The following SLC4A4 variants were observed in gnomAD, a reference collection of about 807,000 sequenced individuals.
SLC4A4 encodes the protein solute carrier family 4 member 4, also known as electrogenic sodium bicarbonate cotransporter 1.
In SLC4A4, 27 loss-of-function variants were observed where a neutral mutation model predicts 111.5. The ratio of observed to expected loss-of-function variants is 0.24; its 90% CI spans 0.18 to 0.33. SLC4A4 has a LOEUF of 0.33. SLC4A4 is among the 10% of genes least tolerant of loss of function. The probability of loss-of-function intolerance (pLI) is 1.00; values close to 1 mark genes in which losing one functional copy is unlikely to be tolerated. For missense variants in SLC4A4, 909 were observed against 1,315.5 expected (o/e 0.69, Z 4.78); for synonymous variants, 443 against 463.4 (o/e 0.96, Z 0.57).
intron 8 of SLC4A4, among the ~76,000 whole-genome samples, chr4:71,446,500 GA>G (rs1282531498): frequency 6.6e-6 from 1 of 152,134 alleles, no homozygotes; most frequent in Non-Finnish European, 1.5e-5. Flanking sequence ...AATATGTGGT[GA>G]AAAGAACAGG....
chr4:71,074,259 G>A (rs1741750039), intron 1 of SLC4A4, among the ~76,000 whole-genome samples: 1 of 152,166 alleles, frequency 6.6e-6, no homozygotes, highest in South Asian at 2.1e-4. Context: ...TCCAGGTGTT[G>A]AGAGCTGTAA....
intron 15 of SLC4A4, among the ~76,000 whole-genome samples, chr4:71,487,968 G>A (rs1729573441): frequency 6.6e-6 from 1 of 151,448 alleles, no homozygotes; most frequent in Non-Finnish European, 1.5e-5. Context: ...GAAAAAGTAT[G>A]TGTATATGTT....
intron 6 of SLC4A4, among the ~76,000 whole-genome samples, chr4:71,388,029 G>A (rs1157420744): frequency 6.6e-6 from 1 of 152,138 alleles, no homozygotes; most frequent in Non-Finnish European, 1.5e-5. Flanking sequence ...CTGGGTCAGT[G>A]CCTGTTTGGA....
chr4:71,303,121 G>A (rs923929153), intron 3 of SLC4A4, among the ~76,000 whole-genome samples: 2 of 152,122 alleles, frequency 1.3e-5, no homozygotes, highest in Non-Finnish European at 2.9e-5. Context: ...TCTCTTCTGC[G>A]AATGTGGTAG....
intron 17 of SLC4A4, among the ~76,000 whole-genome samples, chr4:71,532,769 G>T (rs569689541): frequency 2.0e-4 from 30 of 152,236 alleles, no homozygotes; most frequent in African/African-American, 7.0e-4. Flanking sequence ...AAAGAATTAA[G>T]TAAAATGCCT....
Position 71,472,690 on chromosome 4 carries a change from T to G in SLC4A4, c.1632-9T>G. 1 of 1,612,450 alleles carries G rather than the reference T, an allele frequency of 6.2e-7. No individual in the cohort carries two copies. Among genetic ancestry groups the G allele is most frequent in the Non-Finnish European group, 8.5e-7 (1 of 1,178,952 alleles). On this transcript the variant is annotated splice_polypyrimidine_tract_variant and intron_variant, in intron 13 of 25. Transcript: ENST00000264485. ...GAGGAATCTAAACATTTTTCTTTCT[T>G]TTTTCCAGGGACAATAATTTTGACT...
chr4:71,566,012 CAG>C (rs1462823363), intron 24 of SLC4A4, among the ~76,000 whole-genome samples: 9 of 151,818 alleles, frequency 5.9e-5, no homozygotes, highest in Admixed American at 3.9e-4. Context: ...GGTGGTTATG[CAG>C]CCCCACACTG....
chr4:71,475,672 G>C (rs940775509), intron 14 of SLC4A4, among the ~76,000 whole-genome samples: 3 of 151,914 alleles, frequency 2.0e-5, no homozygotes, highest in Non-Finnish European at 4.4e-5. Flanking sequence ...GGCCAAATGT[G>C]TGACTTTCAG....
chr4:71,431,517 GC>G (rs1408055199), intron 7 of SLC4A4, among the ~76,000 whole-genome samples: 1 of 152,096 alleles, frequency 6.6e-6, no homozygotes, highest in African/African-American at 2.4e-5. Context: ...TAGAGTGTGG[GC>G]AGTAGGTTCC....
At chr4:71,161,800 G>A (rs1044632105) in intron 2 of SLC4A4, among the ~76,000 whole-genome samples, 2 of 152,140 alleles carry the variant, frequency 1.3e-5, no homozygotes, top group Non-Finnish European at 1.5e-5. Context: ...GACCTTTTAA[G>A]AGATGAAAGA....
intron 2 of SLC4A4, among the ~76,000 whole-genome samples, chr4:71,135,613 GC>G (rs1185606102): frequency 6.6e-6 from 1 of 151,952 alleles, no homozygotes; most frequent in Non-Finnish European, 1.5e-5. Flanking sequence ...TACTCTTTTA[GC>G]AATTTTCAAG....
intron 2 of SLC4A4, among the ~76,000 whole-genome samples, chr4:71,128,495 T>C (rs1290298212): frequency 2.0e-5 from 3 of 152,004 alleles, no homozygotes; most frequent in Admixed American, 2.0e-4. Flanking sequence ...TCAAAGACAG[T>C]CAATTTTTTC....
intron 1 of SLC4A4, among the ~76,000 whole-genome samples, chr4:71,221,044 T>C (rs1468836264): frequency 6.6e-6 from 1 of 152,240 alleles, no homozygotes; most frequent in African/African-American, 2.4e-5. Flanking sequence ...GCAAAATACA[T>C]GATCTTGTTC....
At chr4:71,433,487 A>G (rs1437479162) in intron 7 of SLC4A4, among the ~76,000 whole-genome samples, 2 of 151,828 alleles carry the variant, frequency 1.3e-5, no homozygotes, top group Non-Finnish European at 2.9e-5. Context: ...CATAAAAAAA[A>G]GAAATCTGTA....
intron 2 of SLC4A4, among the ~76,000 whole-genome samples, chr4:71,180,343 T>A (rs1304253528): frequency 2.0e-5 from 3 of 152,034 alleles, no homozygotes; most frequent in Non-Finnish European, 4.4e-5. Flanking sequence ...AAGCCAAAAT[T>A]GACAAATGGG....
At chr4:71,213,780 G>A (rs145904401) in intron 1 of SLC4A4, among the ~76,000 whole-genome samples, 3 of 152,250 alleles carry the variant, frequency 2.0e-5, no homozygotes, top group African/African-American at 4.8e-5. Context: ...AGAGACATGC[G>A]AGAGATGATC....
chr4:71,083,545 A>G (rs961966626), intron 1 of SLC4A4, among the ~76,000 whole-genome samples: 1 of 152,034 alleles, frequency 6.6e-6, no homozygotes, highest in South Asian at 2.1e-4. Flanking sequence ...ATGTTGAATG[A>G]AATAAACTGA....
intron 6 of SLC4A4, among the ~76,000 whole-genome samples, chr4:71,386,426 T>G (rs181825374): frequency 5.9e-4 from 90 of 152,280 alleles, no homozygotes; most frequent in African/African-American, 2.1e-3. Context: ...TCTACAATTT[T>G]CCTTGTTCTG....
intron 16 of SLC4A4, among the ~76,000 whole-genome samples, chr4:71,528,635 ATATAT>A (rs1415164357): frequency 6.6e-6 from 1 of 152,098 alleles, no homozygotes; most frequent in Non-Finnish European, 1.5e-5. Flanking sequence ...AAACAGTCTT[ATATAT>A]ATGTGCAAAG....
Sources: gnomAD v4.1 joint callset for allele counts (sites outside exome capture counted in the v4.1 genomes callset) on GRCh38, gnomAD v4.1.1 for gene constraint, MANE v1.5 for transcripts, NCBI Gene and HGNC (gene_info 2026-07-23, HGNC 2026-07-21) for gene names.